Variants in STMN2 observed in about 807,000 individuals in gnomAD.
STMN2 encodes the protein stathmin 2.
In STMN2, 2 loss-of-function variants were observed where a neutral mutation model predicts 24.1. The observed-to-expected ratio is 0.08, with a 90% confidence interval of 0.03 to 0.26. STMN2 has a LOEUF of 0.26. Ranked by LOEUF, STMN2 falls within the 10% of genes least tolerant of loss-of-function variation. The probability of loss-of-function intolerance (pLI) is 1.00; values close to 1 mark genes in which losing one functional copy is unlikely to be tolerated. For synonymous variants in STMN2, 83 were observed against 77.5 expected (o/e 1.07, Z -0.37); for missense variants, 114 against 213.6 (o/e 0.53, Z 2.91).
intron 1 of STMN2, among the ~76,000 whole-genome samples, chr8:79,612,000 G>A (rs1459221742): frequency 2.0e-5 from 3 of 152,090 alleles, no homozygotes; most frequent in Non-Finnish European, 2.9e-5. Context: ...CAGCGGTCCC[G>A]GGGGGAGGCA....
At chr8:79,646,596 G>C (rs1244856273) in intron 3 of STMN2, among the ~76,000 whole-genome samples, 1 of 152,056 alleles carries the variant, frequency 6.6e-6, no homozygotes, top group Non-Finnish European at 1.5e-5. Context: ...GAATGTATGA[G>C]GTGTGTTTGA....
intron 3 of STMN2, among the ~76,000 whole-genome samples, chr8:79,646,583 T>A (rs1455746938): frequency 6.6e-6 from 1 of 151,788 alleles, no homozygotes; most frequent in African/African-American, 2.4e-5. Context: ...GGCCCTGAAA[T>A]AGGAATGTAT....
At chr8:79,626,839 G>A (rs1245747686) in intron 1 of STMN2, among the ~76,000 whole-genome samples, 1 of 152,160 alleles carries the variant, frequency 6.6e-6, no homozygotes, top group Non-Finnish European at 1.5e-5. Flanking sequence ...ATGATTAGCA[G>A]CAAACGAAAC....
rs751385042 is a variant in STMN2, at chr8:79,633,089, TC to T, written c.20-3710del. 1.3e-4 allele frequency among the ~76,000 whole-genome samples: 20 copies of T among 152,324 alleles called. No homozygotes were observed. In the East Asian group the frequency reaches 3.9e-3, roughly 29 times the overall value. ...TATTCATTTGTGTCTTAAGTTTGTT[TC>T]CCGATGACATACCTTTCCAGCAACG... On this transcript the variant is annotated intron_variant, in intron 1 of 4. Transcript: ENST00000220876.
chr8:79,617,076 A>T (rs1353168759), intron 1 of STMN2, among the ~76,000 whole-genome samples: 1 of 152,240 alleles, frequency 6.6e-6, no homozygotes, highest in African/African-American at 2.4e-5. Flanking sequence ...TTATTTACCA[A>T]ATTATTCTAA....
chr8:79,636,760 C>A, intron 1 of STMN2, 42 bp from the exon 2 acceptor site: 1 of 1,570,808 alleles, frequency 6.4e-7, no homozygotes, highest in South Asian at 1.1e-5. Flanking sequence ...AAGAGAAATT[C>A]AGAAAAAATG....
chr8:79,615,488 T>C (rs1809362635), intron 1 of STMN2, among the ~76,000 whole-genome samples: 1 of 152,090 alleles, frequency 6.6e-6, no homozygotes, highest in Non-Finnish European at 1.5e-5. Context: ...TATGAAAAAA[T>C]GCTAGAATTT....
intron 2 of STMN2, among the ~76,000 whole-genome samples, chr8:79,638,517 T>A (rs908386402): frequency 2.0e-5 from 3 of 152,240 alleles, no homozygotes; most frequent in African/African-American, 7.2e-5. Context: ...TTCTGCAGTC[T>A]TTAACTTGAC....
chr8:79,634,077 G>A (rs955732236), intron 1 of STMN2, among the ~76,000 whole-genome samples: 1 of 152,152 alleles, frequency 6.6e-6, no homozygotes. Context: ...AAGTCGGCAT[G>A]TAATATGCTT....
intron 1 of STMN2, among the ~76,000 whole-genome samples, chr8:79,621,639 T>A (rs1277013783): frequency 7.9e-5 from 12 of 152,130 alleles, no homozygotes; most frequent in Admixed American, 7.9e-4. Context: ...ATCCAACTTT[T>A]CCCCAACTCA....
chr8:79,654,539 TG>T (rs1810405145), intron 3 of STMN2, among the ~76,000 whole-genome samples: 1 of 152,206 alleles, frequency 6.6e-6, no homozygotes, highest in South Asian at 2.1e-4. Context: ...ATTGCCATCC[TG>T]TAATTCATTA....
intron 1 of STMN2, among the ~76,000 whole-genome samples, 195 bp from the exon 2 acceptor site, chr8:79,636,607 C>T (rs1242427109): frequency 3.9e-5 from 6 of 152,178 alleles, no homozygotes; most frequent in Non-Finnish European, 8.8e-5. Context: ...AATTGATCTC[C>T]TCTGCACTAA....
At chr8:79,626,438 C>T (rs1265606963) in intron 1 of STMN2, among the ~76,000 whole-genome samples, 12 of 152,184 alleles carry the variant, frequency 7.9e-5, no homozygotes, top group Non-Finnish European at 1.6e-4. Context: ...GTTCCATTTT[C>T]AAACTATCAC....
intron 3 of STMN2, among the ~76,000 whole-genome samples, chr8:79,649,663 T>C (rs1810292101): frequency 6.6e-6 from 1 of 151,958 alleles, no homozygotes; most frequent in African/African-American, 2.4e-5. Flanking sequence ...AAGTAATATA[T>C]CCCCCAAATA....
intron 3 of STMN2, among the ~76,000 whole-genome samples, chr8:79,650,197 G>T (rs1456195903): frequency 6.6e-6 from 1 of 152,140 alleles, no homozygotes; most frequent in Non-Finnish European, 1.5e-5. Flanking sequence ...TTAGGTACAG[G>T]TTATTTAGAA....
At chr8:79,632,180 G>GCACCAC (rs1809816700) in intron 1 of STMN2, among the ~76,000 whole-genome samples, 1 of 152,078 alleles carries the variant, frequency 6.6e-6, no homozygotes, top group South Asian at 2.1e-4. Context: ...AATGACAGGG[G>GCACCAC]TTTTTTTCTT....
rs187918100 is a variant in STMN2 at position 79,636,176 on chromosome 8, C to T, written c.20-626C>T. 2.3e-3 allele frequency among the ~76,000 whole-genome samples: 356 copies of T among 152,178 alleles called. 2 individuals carry two copies. Among genetic ancestry groups the T allele is most frequent in the African/African-American group, 8.3e-3 (346 of 41,508 alleles). On this transcript the variant is annotated intron_variant, in intron 1 of 4. Coordinates refer to ENST00000220876, the MANE Select transcript of STMN2 (RefSeq NM_007029.4). The stretch of plus-strand genomic sequence containing the variant: ...AGGTTGCAGTGAGCTGGGATCACAC[C>T]ACTGCACTACAGCCTGGGTAACAGA...
Position 79,655,044 on chromosome 8 carries a change from T to C in STMN2, c.462T>C (p.Ile154=). ...ENREANLAAI[I]ERLQEKERHA... is the part of the protein sequence containing the mutation. ...GTGAGGCTAATCTAGCTGCTATTATTGAACGTCTGCAGGAAAAGGTAATCT... is the reference window on the plus strand; with the variant it reads ...GTGAGGCTAATCTAGCTGCTATTATCGAACGTCTGCAGGAAAAGGTAATCT... The change falls in exon 4 of 5, where the codon ATT becomes ATC. Residue 154 remains isoleucine (I), a synonymous_variant. Coordinates refer to ENST00000220876, the MANE Select transcript of STMN2 (RefSeq NM_007029.4). The C allele has an allele frequency of 1.2e-6, 2 of 1,613,966 alleles. No homozygotes were observed. The highest frequency in any genetic ancestry group is 1.7e-6 in the Non-Finnish European group (2 of 1,179,880).
chr8:79,633,704 T>A (rs1809869888), intron 1 of STMN2, among the ~76,000 whole-genome samples: 1 of 152,208 alleles, frequency 6.6e-6, no homozygotes, highest in South Asian at 2.1e-4. Flanking sequence ...ACCTTCATCA[T>A]CTAATTACTC....
Sources: gnomAD v4.1 joint callset for allele counts (sites outside exome capture counted in the v4.1 genomes callset) on GRCh38, gnomAD v4.1.1 for gene constraint, MANE v1.5 for transcripts, NCBI Gene and HGNC (gene_info 2026-07-23, HGNC 2026-07-21) for gene names.